CCNY: variants seen among roughly 807,000 people sequenced by gnomAD.
The protein encoded by CCNY is cyclin-Y.
In CCNY, 19 loss-of-function variants were observed where a neutral mutation model predicts 42.8. That is an observed-to-expected ratio of 0.44 (90% CI 0.31 to 0.65). CCNY has a LOEUF of 0.65. CCNY is among the 30% of genes least tolerant of loss of function. The probability of loss-of-function intolerance (pLI) is 0.07; values close to 1 mark genes in which losing one functional copy is unlikely to be tolerated. For synonymous variants in CCNY, 165 were observed against 162.7 expected (o/e 1.01, Z -0.11); for missense variants, 370 against 437.3 (o/e 0.85, Z 1.37).
intron 3 of CCNY, among the ~76,000 whole-genome samples, chr10:35,266,309 A>G (rs2095725303): frequency 7.6e-6 from 1 of 131,508 alleles, no homozygotes; most frequent in Non-Finnish European, 1.5e-5. Context: ...TATGTTGGTC[A>G]GGCTGGTCTC....
chr10:35,507,347 A>G (rs940469394), intron 3 of CCNY, among the ~76,000 whole-genome samples: 1 of 152,236 alleles, frequency 6.6e-6, no homozygotes, highest in Non-Finnish European at 1.5e-5. Flanking sequence ...TTTTAATAGT[A>G]GTAATACAGA....
At position 35,329,087 on chromosome 10, in the gene CCNY, C is replaced by G. The variant is rs115795937; in HGVS notation, c.-9+78461C>G. 5.0e-3 allele frequency among the ~76,000 whole-genome samples: 756 copies of G among 152,204 alleles called. 8 individuals are homozygous for G. Among genetic ancestry groups the G allele is most frequent in the African/African-American group, 0.017 (722 of 41,508 alleles). On this transcript the variant is annotated intron_variant, in intron 3 of 11. Transcript: ENST00000374706. ...CAAAAGTTCTCTAGGTTTGGAACAT[C>G]GATAAGGAAACAATTATTTGTGTAA...
intron 1 of CCNY, among the ~76,000 whole-genome samples, chr10:35,391,489 G>A (rs1589084625): frequency 6.6e-6 from 1 of 152,196 alleles, no homozygotes; most frequent in Admixed American, 6.5e-5. Flanking sequence ...GATTAGGACT[G>A]GCCGGAAGGT....
At chr10:35,398,406 G>A (rs1466221923) in intron 1 of CCNY, among the ~76,000 whole-genome samples, 4 of 152,306 alleles carry the variant, frequency 2.6e-5, no homozygotes, top group South Asian at 2.1e-4. Flanking sequence ...GCGGAGATTC[G>A]GAAATGCAGC....
At chr10:35,467,499 G>C (rs1263500704) in intron 1 of CCNY, among the ~76,000 whole-genome samples, 1 of 152,104 alleles carries the variant, frequency 6.6e-6, no homozygotes, top group East Asian at 1.9e-4. Flanking sequence ...ACTATTGCTG[G>C]GATAAAGGAA....
At chr10:35,500,749 T>C (rs1840094714) in intron 2 of CCNY, among the ~76,000 whole-genome samples, 1 of 152,244 alleles carries the variant, frequency 6.6e-6, no homozygotes, top group South Asian at 2.1e-4. Context: ...GACTGACCCT[T>C]CTACCTCTCT....
chr10:35,284,338 A>G (rs1835330753), intron 3 of CCNY, among the ~76,000 whole-genome samples: 1 of 152,140 alleles, frequency 6.6e-6, no homozygotes. Context: ...GAAAATGAGC[A>G]TATCCCTCAT....
chr10:35,517,946 G>GT (rs1840463756), intron 4 of CCNY, among the ~76,000 whole-genome samples: 1 of 152,224 alleles, frequency 6.6e-6, no homozygotes, highest in African/African-American at 2.4e-5. Context: ...GAAGATCTGT[G>GT]TACCACATGA....
At chr10:35,521,437 G>C (rs995956295) in intron 4 of CCNY, among the ~76,000 whole-genome samples, 4 of 152,202 alleles carry the variant, frequency 2.6e-5, no homozygotes, top group Admixed American at 2.6e-4. Context: ...GGTTAACTCT[G>C]TGGCTCGCCA....
intron 3 of CCNY, among the ~76,000 whole-genome samples, chr10:35,282,028 C>G (rs1166516214): frequency 6.6e-6 from 1 of 151,312 alleles, no homozygotes; most frequent in Non-Finnish European, 1.5e-5. Context: ...AAATTTCTAT[C>G]TTTTCTTGGC....
intron 1 of CCNY, among the ~76,000 whole-genome samples, chr10:35,343,382 CTT>C (rs9299720): frequency 7.0e-5 from 6 of 85,914 alleles, no homozygotes; most frequent in African/African-American, 1.0e-4. Flanking sequence ...AGCTGATGGT[CTT>C]TTTTTTTTTT....
intron 3 of CCNY, among the ~76,000 whole-genome samples, chr10:35,251,306 G>A (rs1164627036): frequency 2.6e-5 from 4 of 152,210 alleles, no homozygotes; most frequent in Non-Finnish European, 2.9e-5. Flanking sequence ...ATTCCTTAGT[G>A]TTATTGGTGT....
intron 1 of CCNY, among the ~76,000 whole-genome samples, chr10:35,348,602 C>T (rs1400163922): frequency 6.6e-6 from 1 of 152,214 alleles, no homozygotes; most frequent in Non-Finnish European, 1.5e-5. Context: ...GCAGGAGCCC[C>T]CGTCCAGGGT....
chr10:35,294,974 C>G (rs1346166056), intron 3 of CCNY, among the ~76,000 whole-genome samples: 4 of 151,872 alleles, frequency 2.6e-5, no homozygotes, highest in Admixed American at 2.6e-4. Context: ...GTAGTTGTGG[C>G]TTTTTAGCCA....
At chr10:35,474,735 A>T (rs1372436178) in intron 1 of CCNY, among the ~76,000 whole-genome samples, 1 of 152,180 alleles carries the variant, frequency 6.6e-6, no homozygotes, top group East Asian at 1.9e-4. Context: ...TAAAAATCAG[A>T]GCGCCTCTCC....
chr10:35,343,000 CTTTT>C (rs112760907), intron 1 of CCNY, among the ~76,000 whole-genome samples: 1 of 128,348 alleles, frequency 7.8e-6, no homozygotes. Flanking sequence ...TCCTGCCTGC[CTTTT>C]TTTTTTTTTT....
At chr10:35,345,237 T>C (rs1195594357) in intron 1 of CCNY, among the ~76,000 whole-genome samples, 2 of 152,204 alleles carry the variant, frequency 1.3e-5, no homozygotes, top group African/African-American at 4.8e-5. Flanking sequence ...CCAGCACCTG[T>C]TGTTTCCTGA....
intron 1 of CCNY, among the ~76,000 whole-genome samples, chr10:35,435,930 A>G (rs1191726042): frequency 1.3e-5 from 2 of 152,182 alleles, no homozygotes; most frequent in Non-Finnish European, 2.9e-5. Context: ...TGCCTCCTGT[A>G]GTTCGGAAGG....
chr10:35,326,638 C>T (rs531956938), intron 3 of CCNY, among the ~76,000 whole-genome samples: 13 of 152,104 alleles, frequency 8.5e-5, no homozygotes, highest in African/African-American at 2.7e-4. Flanking sequence ...GTGGCTCACA[C>T]GTGTAATCCC....
Sources: gnomAD v4.1 joint callset for allele counts (sites outside exome capture counted in the v4.1 genomes callset) on GRCh38, gnomAD v4.1.1 for gene constraint, MANE v1.5 for transcripts, NCBI Gene and HGNC (gene_info 2026-07-23, HGNC 2026-07-21) for gene names.